DNAH12: variants seen among roughly 807,000 people sequenced by gnomAD.
The protein encoded by DNAH12 is dynein axonemal heavy chain 12.
In DNAH12, 285 loss-of-function variants were observed where a neutral mutation model predicts 371.5. The ratio of observed to expected loss-of-function variants is 0.77; its 90% confidence interval spans 0.70 to 0.85. The LOEUF (loss-of-function observed/expected upper bound fraction) is 0.85, where lower values mean the gene tolerates loss of function less well. Among genes scored for constraint, DNAH12 ranks in the 40% least tolerant of loss-of-function variants. The pLI is 0.00. For missense variants in DNAH12, 3,611 were observed against 3,689.4 expected, an observed-to-expected ratio of 0.98 and a Z score of 0.55; for synonymous variants, 1,200 against 1,213.0, an observed-to-expected ratio of 0.99 and a Z score of 0.22.
intron 60 of DNAH12, among the ~76,000 whole-genome samples, chr3:57,347,445 G>A (rs2062568259): frequency 6.6e-6 from 1 of 152,156 alleles, no homozygotes; most frequent in African/African-American, 2.4e-5. Flanking sequence ...GCTGGGCACA[G>A]GAGCTCACAC....
At chr3:57,423,233 G>A (rs1484479809) in intron 35 of DNAH12, among the ~76,000 whole-genome samples, 3 of 152,082 alleles carry the variant, frequency 2.0e-5, no homozygotes, top group Non-Finnish European at 4.4e-5. Flanking sequence ...AAAGGTTTAG[G>A]TTTTAGGTTT....
chr3:57,535,899 C>T (rs1047012775), intron 2 of DNAH12, among the ~76,000 whole-genome samples: 2 of 133,536 alleles, frequency 1.5e-5, no homozygotes, highest in South Asian at 2.4e-4. Context: ...TACAGTGGCT[C>T]GATCTCAGCT....
At chr3:57,305,147 T>C (rs150776249) in intron 69 of DNAH12, among the ~76,000 whole-genome samples, 1,687 of 152,232 alleles carry the variant, frequency 0.011, 12 homozygotes, top group Middle Eastern at 0.02. Context: ...TATTGTAAAA[T>C]AGGCAAACAG....
chr3:57,504,219 T>A lies in DNAH12; in HGVS notation c.898-15A>T. ...AGATCCTTTAGCTGCGTGATATAAA[T>A]CACTGTTACTTTAGAGAGTACAAAT... On this transcript the variant is annotated splice_polypyrimidine_tract_variant and intron_variant, in intron 8 of 73. Coordinates refer to ENST00000495027, the MANE Select transcript of DNAH12 (RefSeq NM_001366028.2). 6.9e-6 allele frequency: 11 copies of A among 1,597,556 alleles called. No homozygotes were observed. The highest frequency in any genetic ancestry group is 8.5e-6 in the Non-Finnish European group (10 of 1,170,034).
At chr3:57,402,774 C>T (rs1575550091) in intron 43 of DNAH12, among the ~76,000 whole-genome samples, 1 of 152,200 alleles carries the variant, frequency 6.6e-6, no homozygotes, top group Admixed American at 6.5e-5. Context: ...AGTACAATAG[C>T]GCAACTATAT....
chr3:57,399,130 T>C, intron 43 of DNAH12, among the ~76,000 whole-genome samples: 1 of 152,296 alleles, frequency 6.6e-6, no homozygotes, highest in East Asian at 1.9e-4. Context: ...TAGGTTGTTT[T>C]ATGTAGTAGT....
chr3:57,453,655 C>T (rs920048869), intron 23 of DNAH12, among the ~76,000 whole-genome samples: 1 of 151,442 alleles, frequency 6.6e-6, no homozygotes, highest in East Asian at 1.9e-4. Flanking sequence ...CTCACTACAA[C>T]CTCCGCCTCC....
At chr3:57,410,779 A>G (rs189725984) in intron 39 of DNAH12, among the ~76,000 whole-genome samples, 291 of 151,748 alleles carry the variant, frequency 1.9e-3, no homozygotes, top group African/African-American at 6.7e-3. Context: ...TCACGCCACT[A>G]CACTCCAGCC....
intron 60 of DNAH12, among the ~76,000 whole-genome samples, chr3:57,346,374 TTAGA>T (rs1397767114): frequency 6.6e-6 from 1 of 152,080 alleles, no homozygotes; most frequent in African/African-American, 2.4e-5. Flanking sequence ...GAATGAGGAC[TTAGA>T]TAGATTAGTT....
chr3:57,484,751 C>T (rs1364344323), intron 12 of DNAH12, among the ~76,000 whole-genome samples: 1 of 152,058 alleles, frequency 6.6e-6, no homozygotes, highest in South Asian at 2.1e-4. Context: ...GGTAAACAGA[C>T]AAGCCACAGA....
At chr3:57,509,247 ATC>A (rs759232113) in intron 5 of DNAH12, 35 bp from the exon 6 acceptor site, 2 of 1,570,412 alleles carry the variant, frequency 1.3e-6, no homozygotes, top group African/African-American at 2.7e-5. Context: ...CTTCTTGAAA[ATC>A]TCTGCACAAT....
At chr3:57,491,021 G>T (rs549637224) in intron 11 of DNAH12, among the ~76,000 whole-genome samples, 2 of 144,684 alleles carry the variant, frequency 1.4e-5, no homozygotes, top group East Asian at 4.1e-4. Flanking sequence ...GGTAGAGATT[G>T]CAGTGAGCCG....
intron 43 of DNAH12, among the ~76,000 whole-genome samples, chr3:57,396,626 G>A (rs2063747594): frequency 6.6e-6 from 1 of 152,090 alleles, no homozygotes; most frequent in East Asian, 1.9e-4. Flanking sequence ...TGATTCTCCT[G>A]CCTCAGCCTC....
chr3:57,548,823 A>C (rs577014753), upstream of DNAH12: 3 of 152,380 alleles, frequency 2.0e-5, no homozygotes, highest in Admixed American at 6.5e-5. Context: ...AAAATTTAAA[A>C]GATTTTACAA....
At chr3:57,371,552 C>T (rs1158509171) in intron 55 of DNAH12, among the ~76,000 whole-genome samples, 3 of 151,866 alleles carry the variant, frequency 2.0e-5, no homozygotes, top group African/African-American at 7.2e-5. Flanking sequence ...ACTACAAATG[C>T]CTGTAGTTCC....
chr3:57,373,094 G>A (rs1448104884), intron 55 of DNAH12, among the ~76,000 whole-genome samples: 5 of 152,084 alleles, frequency 3.3e-5, no homozygotes, highest in Non-Finnish European at 5.9e-5. Flanking sequence ...AAACACGAGA[G>A]TCCTAACTGT....
intron 65 of DNAH12, among the ~76,000 whole-genome samples, chr3:57,321,514 C>T (rs2061804977): frequency 6.6e-6 from 1 of 152,116 alleles, no homozygotes; most frequent in South Asian, 2.1e-4. Context: ...TACTCACTTG[C>T]TGCAGGAGAG....
the DNAH12 span, among the ~76,000 whole-genome samples, chr3:57,552,614 A>G: frequency 6.6e-6 from 1 of 152,110 alleles, no homozygotes; most frequent in Non-Finnish European, 1.5e-5. Flanking sequence ...TATTTTGAAA[A>G]AACAAAGCCA....
intron 17 of DNAH12, among the ~76,000 whole-genome samples, chr3:57,466,274 T>C (rs1382232585): frequency 4.6e-5 from 7 of 152,180 alleles, no homozygotes; most frequent in South Asian, 2.1e-4. Context: ...ATATATGTAA[T>C]AAAACTCTGG....
Sources: gnomAD v4.1 joint callset for allele counts (sites outside exome capture counted in the v4.1 genomes callset) on GRCh38, gnomAD v4.1.1 for gene constraint, MANE v1.5 for transcripts, NCBI Gene and HGNC (gene_info 2026-07-23, HGNC 2026-07-21) for gene names.